Variants in MAPKAP1 observed in about 807,000 individuals in gnomAD.
MAPKAP1 encodes target of rapamycin complex 2 subunit MAPKAP1.
A neutral mutation model predicts 65.7 loss-of-function variants in MAPKAP1; 20 were observed. The ratio of observed to expected loss-of-function variants is 0.30; its 90% CI spans 0.21 to 0.44. The LOEUF (loss-of-function observed/expected upper bound fraction) is 0.44. Ranked by LOEUF, MAPKAP1 falls within the 20% of genes least tolerant of loss-of-function variation. MAPKAP1 has a pLI of 1.00. For missense variants in MAPKAP1, 423 were observed against 648.0 expected, an observed-to-expected ratio of 0.65 and a Z score of 3.77; for synonymous variants, 222 against 244.3, an observed-to-expected ratio of 0.91 and a Z score of 0.85.
At chr9:125,650,072 A>G (rs1833850419) in intron 4 of MAPKAP1, among the ~76,000 whole-genome samples, 1 of 152,168 alleles carries the variant, frequency 6.6e-6, no homozygotes, top group African/African-American at 2.4e-5. Context: ...TGTTCTCTGC[A>G]TACATCATCA....
At chr9:125,490,060 G>A (rs1477344296) in intron 8 of MAPKAP1, among the ~76,000 whole-genome samples, 1 of 152,184 alleles carries the variant, frequency 6.6e-6, no homozygotes. Flanking sequence ...GTAATAGACT[G>A]TTGAGTCGAA....
chr9:125,438,095 C>T lies in MAPKAP1; in HGVS notation c.*792G>A, dbSNP rs566619532. The stretch of plus-strand genomic sequence containing the variant: ...AAACCTACACTTGCTACTTAAGAAA[C>T]GGAAAGACCATGTCTGGCTGGGAGT... On this transcript the variant is annotated 3_prime_UTR_variant, in exon 12 of 12. Coordinates refer to ENST00000265960, the MANE Select transcript of MAPKAP1 (RefSeq NM_001006617.3). 3.7e-5 allele frequency: 13 copies of T among 347,706 alleles called. No individual in the cohort carries two copies. The highest frequency in any genetic ancestry group is 7.2e-4 in the Middle Eastern group (1 of 1,386). The allele number at this position is 347,706 out of a possible 1,614,324, so 21.5% of individuals were successfully genotyped here.
intron 1 of MAPKAP1, among the ~76,000 whole-genome samples, chr9:125,693,732 T>TATATACACAC (rs1835284454): frequency 3.2e-5 from 4 of 125,238 alleles, no homozygotes; most frequent in African/African-American, 1.8e-4. Flanking sequence ...TATATACACA[T>TATATACACAC]ATATACACGT....
chr9:125,527,248 AGTAG>A (rs1829799606), intron 7 of MAPKAP1, among the ~76,000 whole-genome samples: 1 of 151,918 alleles, frequency 6.6e-6, no homozygotes, highest in Non-Finnish European at 1.5e-5. Context: ...TTGTATTTTT[AGTAG>A]AGATGGAGTT....
intron 7 of MAPKAP1, among the ~76,000 whole-genome samples, chr9:125,527,932 C>T (rs1036560197): frequency 5.3e-5 from 8 of 152,328 alleles, no homozygotes; most frequent in East Asian, 3.8e-4. Context: ...AACCAAAGTA[C>T]AGTGAATCCA....
At chr9:125,683,353 G>A (rs1312930208) in intron 1 of MAPKAP1, among the ~76,000 whole-genome samples, 1 of 152,142 alleles carries the variant, frequency 6.6e-6, no homozygotes, top group African/African-American at 2.4e-5. Context: ...AAGGTGATGG[G>A]ACAGTCATTT....
chr9:125,602,978 T>C lies in MAPKAP1; in HGVS notation c.499-17251A>G, dbSNP rs551927113. 4.6e-5 allele frequency among the ~76,000 whole-genome samples: 7 copies of C among 152,292 alleles called. No homozygotes were observed. The South Asian group carries it at 1.0e-3, about 23-fold the overall frequency. On this transcript the variant is annotated intron_variant, in intron 4 of 11. Transcript: ENST00000265960. ...GGTGTAAACATGGCTCACTGCATAC[T>C]TGACCTCCTAAACTCAGGCAATCCT...
At chr9:125,672,151 C>A (rs183409677) in intron 2 of MAPKAP1, among the ~76,000 whole-genome samples, 165 bp downstream of exon 2, 1 of 152,304 alleles carries the variant, frequency 6.6e-6, no homozygotes, top group East Asian at 1.9e-4. Flanking sequence ...TTCGCAGTCG[C>A]AGAGATGGAG....
intron 6 of MAPKAP1, among the ~76,000 whole-genome samples, chr9:125,555,831 C>G (rs530250219): frequency 1.3e-5 from 2 of 152,346 alleles, no homozygotes; most frequent in African/African-American, 4.8e-5. Flanking sequence ...CCCATGTTCA[C>G]TGAAAGTTAT....
In MAPKAP1 at chr9:125,693,578, CAT is replaced by C. The variant is rs1296692371; in HGVS notation, c.-70+13391_-70+13392del. Among the ~76,000 whole-genome samples, 92 of 150,290 alleles carry C rather than the reference CAT, an allele frequency of 6.1e-4. 1 individual carries two copies. Among genetic ancestry groups the C allele is most frequent in the Non-Finnish European group, 1.1e-3 (71 of 67,616 alleles). Reference sequence around the variant, plus strand: ...ACACACACATATATACATACACACACATATATACACGTATACACACACACATA... The same window carrying C: ...ACACACACATATATACATACACACACATATACACGTATACACACACACATA... On this transcript the variant is annotated intron_variant, in intron 1 of 11. Transcript: ENST00000265960.
intron 10 of MAPKAP1, among the ~76,000 whole-genome samples, chr9:125,454,608 C>G (rs2132951745): frequency 6.6e-6 from 1 of 152,286 alleles, no homozygotes; most frequent in Non-Finnish European, 1.5e-5. Flanking sequence ...GCAAAAGGCT[C>G]TATGTTGTGC....
intron 1 of MAPKAP1, among the ~76,000 whole-genome samples, chr9:125,690,593 T>C (rs1835136649): frequency 6.6e-6 from 1 of 152,236 alleles, no homozygotes; most frequent in African/African-American, 2.4e-5. Context: ...TTAATACATG[T>C]TATGTGCTTC....
chr9:125,688,609 C>T (rs988139868), intron 1 of MAPKAP1, among the ~76,000 whole-genome samples: 2 of 151,994 alleles, frequency 1.3e-5, no homozygotes, highest in African/African-American at 2.4e-5. Flanking sequence ...GCCTGTAATC[C>T]CAACACTTTG....
chr9:125,556,567 T>C (rs1226644711), intron 6 of MAPKAP1, among the ~76,000 whole-genome samples: 1 of 152,220 alleles, frequency 6.6e-6, no homozygotes, highest in East Asian at 1.9e-4. Context: ...TAAGTATTAG[T>C]TCACTCCCTA....
intron 1 of MAPKAP1, among the ~76,000 whole-genome samples, chr9:125,687,514 G>A (rs1588075632): frequency 6.6e-6 from 1 of 151,876 alleles, no homozygotes; most frequent in Non-Finnish European, 1.5e-5. Context: ...AGTAGCTCAT[G>A]CCTATAAATC....
chr9:125,589,544 GA>G (rs1831891056), intron 4 of MAPKAP1, among the ~76,000 whole-genome samples: 1 of 152,150 alleles, frequency 6.6e-6, no homozygotes, highest in South Asian at 2.1e-4. Flanking sequence ...TTCCTCTATG[GA>G]TCCATTTCCT....
intron 10 of MAPKAP1, among the ~76,000 whole-genome samples, chr9:125,446,746 G>A (rs1852732262): frequency 6.6e-6 from 1 of 152,134 alleles, no homozygotes; most frequent in South Asian, 2.1e-4. Context: ...CGAAGCTTCG[G>A]GGTTCACTGA....
intron 8 of MAPKAP1, among the ~76,000 whole-genome samples, chr9:125,501,375 A>G (rs1828975474): frequency 6.6e-6 from 1 of 152,216 alleles, no homozygotes; most frequent in African/African-American, 2.4e-5. Context: ...CCAACTTCGT[A>G]ATGTTATATT....
intron 4 of MAPKAP1, among the ~76,000 whole-genome samples, chr9:125,616,108 C>G (rs749427474): frequency 6.6e-6 from 1 of 151,862 alleles, no homozygotes; most frequent in Admixed American, 6.6e-5. Context: ...TATGACCAAG[C>G]GAGCATGACA....
Sources: allele counts gnomAD v4.1 joint callset (sites outside exome capture counted in the v4.1 genomes callset), GRCh38; gene constraint gnomAD v4.1.1; transcripts MANE v1.5; gene names NCBI Gene and HGNC (gene_info 2026-07-23, HGNC 2026-07-21).